The following PXK variants were observed in gnomAD, a reference collection of about 807,000 sequenced individuals.
The protein encoded by PXK is PX domain containing serine/threonine kinase like.
Under a neutral mutation model 84.7 loss-of-function variants are expected in PXK, and 35 were observed. The observed-to-expected ratio is 0.41, with a 90% CI of 0.32 to 0.55. The LOEUF (loss-of-function observed/expected upper bound fraction) is 0.55, where lower values mean the gene tolerates loss of function less well. Ranked by LOEUF, PXK falls within the 20% of genes least tolerant of loss-of-function variation. The probability of loss-of-function intolerance (pLI) is 0.21; values close to 1 mark genes in which losing one functional copy is unlikely to be tolerated. For synonymous variants in PXK, 253 were observed against 260.8 expected (o/e 0.97, Z 0.29); for missense variants, 634 against 699.7 (o/e 0.91, Z 1.06).
At chr3:58,373,277 A>G (rs2108582631) in intron 3 of PXK, among the ~76,000 whole-genome samples, 1 of 143,552 alleles carries the variant, frequency 7.0e-6, no homozygotes, top group South Asian at 2.2e-4. Flanking sequence ...ATGGGATTTC[A>G]CTGTGTTAGC....
At chr3:58,408,180 T>A (rs2059668151) in intron 13 of PXK, among the ~76,000 whole-genome samples, 1 of 152,256 alleles carries the variant, frequency 6.6e-6, no homozygotes, top group South Asian at 2.1e-4. Context: ...TATTTGACCA[T>A]ATCCACAAGC....
intron 4 of PXK, among the ~76,000 whole-genome samples, chr3:58,387,251 T>A (rs1255265729): frequency 2.0e-5 from 3 of 152,218 alleles, no homozygotes; most frequent in Non-Finnish European, 4.4e-5. Context: ...CATGTGTCAG[T>A]CAGTTCCTGT....
chr3:58,346,322 G>A lies in PXK; in HGVS notation c.102+13232G>A, dbSNP rs2107874643. Among the ~76,000 whole-genome samples the A allele has an allele frequency of 1.3e-5, 2 of 152,194 alleles. 1 individual carries two copies. Among genetic ancestry groups the A allele is most frequent in the South Asian group, 4.2e-4 (2 of 4,810 alleles). On this transcript the variant is annotated intron_variant, in intron 1 of 17. Transcript: ENST00000356151. ...AGGTGCAGTGGAAAGGGTGAAGGAA[G>A]GAGAGAAGAGAGTCAAGGATGCTAA... is the stretch of plus-strand genomic sequence containing the variant.
At chr3:58,356,190 A>G (rs9862969) in intron 1 of PXK, among the ~76,000 whole-genome samples, 11,081 of 152,228 alleles carry the variant, frequency 0.073, 521 homozygotes, top group South Asian at 0.1. Flanking sequence ...GAATGCCCAC[A>G]TGCTAGGGCT....
rs2060254723 is a variant in PXK, at chr3:58,411,880, A to G, written c.1466-1021A>G. 6.6e-6 allele frequency among the ~76,000 whole-genome samples: 1 copy of G among 152,072 alleles called. No homozygotes were observed. Among genetic ancestry groups the G allele is most frequent in the Non-Finnish European group, 1.5e-5 (1 of 68,022 alleles). ...TAAAACACCCTCATATTTTATAGGG[A>G]ACTGAGGGAATATTGCAAGTAGAAA... On this transcript the variant is annotated intron_variant, in intron 16 of 17. Transcript: ENST00000356151. This position sits in a 1 kb window ranked among gnomAD's most constrained non-coding sequence, Gnocchi z 4.2.
chr3:58,423,053 A>G, intron 17 of PXK: 4 of 985,392 alleles, frequency 4.1e-6, no homozygotes, highest in Non-Finnish European at 4.8e-6. Context: ...CCAAGTGGGC[A>G]GAGCTCACTC....
At chr3:58,408,837 A>G (rs1366158667) in intron 13 of PXK, 87 bp from the exon 14 acceptor site, 4 of 1,052,128 alleles carry the variant, frequency 3.8e-6, no homozygotes, top group Non-Finnish European at 5.9e-6. Flanking sequence ...GACTCTTGAT[A>G]ACCACCTGCT....
intron 12 of PXK, 82 bp from the exon 13 acceptor site, chr3:58,403,780 A>G: frequency 1.2e-6 from 1 of 819,634 alleles, no homozygotes; most frequent in African/African-American, 1.7e-5. Flanking sequence ...TCATGGGCTA[A>G]AGGTGTCTTA....
intron 17 of PXK, chr3:58,420,660 T>TG: frequency 1.3e-6 from 2 of 1,526,322 alleles, no homozygotes; most frequent in South Asian, 2.4e-5. Flanking sequence ...GCTGAAGTGA[T>TG]GAACAAGTGG....
intron 3 of PXK, among the ~76,000 whole-genome samples, chr3:58,372,585 G>C (rs1176297890): frequency 6.6e-6 from 1 of 151,014 alleles, no homozygotes; most frequent in Non-Finnish European, 1.5e-5. Flanking sequence ...GCCTCCCAAA[G>C]TGCTGGGATT....
intron 1 of PXK, among the ~76,000 whole-genome samples, chr3:58,360,204 A>T (rs565769163): frequency 6.6e-6 from 1 of 152,336 alleles, no homozygotes; most frequent in African/African-American, 2.4e-5. Flanking sequence ...AACCCCATAT[A>T]AAACCATGCC....
At chr3:58,423,618 G>T in intron 17 of PXK, 1 of 1,468,946 alleles carries the variant, frequency 6.8e-7, no homozygotes, top group Non-Finnish European at 9.1e-7. Flanking sequence ...AAGTAGGGTA[G>T]CTTTACCTGT....
intron 2 of PXK, 26 bp from the exon 3 acceptor site, chr3:58,369,405 A>T (rs1166081082): frequency 1.3e-6 from 2 of 1,587,224 alleles, no homozygotes; most frequent in Non-Finnish European, 1.7e-6. Flanking sequence ...TTGCTGAATC[A>T]AAACACTACT....
Position 58,333,667 on chromosome 3 carries a change from A to G in PXK, c.102+577A>G. ...GGTCCCGGGAAGTGGTGGGGGCGGC[A>G]GTCGGGGCGCTGTTAAGCAGGTGTA... On this transcript the variant is annotated intron_variant, in intron 1 of 17. Coordinates refer to ENST00000356151, the MANE Select transcript of PXK (RefSeq NM_017771.5). The surrounding 1 kb of genome is among the most constrained non-coding windows in gnomAD (Gnocchi z 5.4). 2.2e-6 allele frequency: 1 copy of G among 456,604 alleles called. No individual in the cohort carries two copies. The highest frequency in any genetic ancestry group is 1.5e-5 in the South Asian group (1 of 64,560). 28.3% of individuals were successfully genotyped at this position (456,604 alleles called of 1,614,324 possible). A position where few individuals can be genotyped will look rare whatever the true frequency, so the allele number is the denominator to read the frequency against.
intron 17 of PXK, among the ~76,000 whole-genome samples, chr3:58,415,547 A>C (rs1362899247): frequency 6.6e-6 from 1 of 152,272 alleles, no homozygotes; most frequent in Admixed American, 6.5e-5. Context: ...ATGTTCAGCT[A>C]TCAGGAAGCT....
At chr3:58,335,018 G>GGTGTGTGTGGGTGTGTGTGTGT (rs2097567002) in intron 1 of PXK, among the ~76,000 whole-genome samples, 1 of 106,504 alleles carries the variant, frequency 9.4e-6, no homozygotes, top group Non-Finnish European at 1.9e-5. Flanking sequence ...TGTCCAGGCT[G>GGTGTGTGTGGGTGTGTGTGTGT]GTGTGTGTGT....
intron 17 of PXK, chr3:58,422,661 G>A: frequency 2.0e-6 from 2 of 985,318 alleles, no homozygotes; most frequent in Non-Finnish European, 1.2e-6. Context: ...TGAGGGCCTG[G>A]TAATGACGCC....
chr3:58,365,152 T>G (rs2098251496), intron 1 of PXK, among the ~76,000 whole-genome samples: 2 of 152,048 alleles, frequency 1.3e-5, no homozygotes, highest in Non-Finnish European at 2.9e-5. Flanking sequence ...CATTTAGTGC[T>G]TAAATTTCCC....
chr3:58,402,414 A>G (rs540385494), intron 12 of PXK, among the ~76,000 whole-genome samples: 3 of 149,756 alleles, frequency 2.0e-5, no homozygotes, highest in South Asian at 4.2e-4. Context: ...AGTTCATGCT[A>G]TTGTTTTTTT....
Sources: gnomAD v4.1 joint callset for allele counts (sites outside exome capture counted in the v4.1 genomes callset) on GRCh38, gnomAD v4.1.1 for gene constraint, Gnocchi (gnomAD v3.1) non-coding constraint, MANE v1.5 for transcripts, NCBI Gene and HGNC (gene_info 2026-07-23, HGNC 2026-07-21) for gene names.